Variants in AMPH observed in about 807,000 individuals in gnomAD.
The protein encoded by AMPH is amphiphysin.
A neutral mutation model predicts 99.1 loss-of-function variants in AMPH; 49 were observed. That is an observed-to-expected ratio of 0.49 (90% confidence interval 0.39 to 0.63). AMPH has a LOEUF of 0.63. Ranked by LOEUF, AMPH falls within the 20% of genes least tolerant of loss-of-function variation. The probability of loss-of-function intolerance (pLI) is 0.00; values close to 1 mark genes in which losing one functional copy is unlikely to be tolerated. For missense variants in AMPH, 759 were observed against 863.4 expected (o/e 0.88, Z 1.52); for synonymous variants, 314 against 317.3 (o/e 0.99, Z 0.11).
intron 5 of AMPH, among the ~76,000 whole-genome samples, chr7:38,478,092 C>A: frequency 6.6e-6 from 1 of 150,618 alleles, no homozygotes. Flanking sequence ...ACAAACAAAA[C>A]AACAACAACA....
rs553947627 is a variant in AMPH, at chr7:38,610,242, A to AG, written c.69+21040_69+21041insC. Among the ~76,000 whole-genome samples the AG allele has an allele frequency of 8.0e-3, 126 of 15,690 alleles. 14 individuals carry two copies. The highest frequency in any genetic ancestry group is 0.013 in the Non-Finnish European group (93 of 7,272). 10.3% of individuals were successfully genotyped at this position (15,690 alleles called of 152,430 possible). A position where few individuals can be genotyped will look rare whatever the true frequency, so the allele number is the denominator to read the frequency against. On this transcript the variant is annotated intron_variant, in intron 1 of 20. Coordinates refer to ENST00000356264, the MANE Select transcript of AMPH (RefSeq NM_001635.4). ...CAAAAGCTAAGCTCTCTCAAAAAAA[A>AG]AAAAAAAAAAAAAAAAAAAAAGAAA...
At chr7:38,509,284 A>G (rs994069012) in intron 2 of AMPH, among the ~76,000 whole-genome samples, 2 of 152,212 alleles carry the variant, frequency 1.3e-5, no homozygotes, top group Non-Finnish European at 2.9e-5. Context: ...CATGGAAGGA[A>G]GAGAAATGTC....
chr7:38,556,097 T>C (rs1270652313), intron 1 of AMPH, among the ~76,000 whole-genome samples: 2 of 151,464 alleles, frequency 1.3e-5, no homozygotes, highest in African/African-American at 4.9e-5. Context: ...CCCCTGAGTC[T>C]AAAATAAAAC....
At chr7:38,393,933 G>A in intron 18 of AMPH, 72 bp downstream of exon 18, 1 of 1,478,208 alleles carries the variant, frequency 6.8e-7, no homozygotes. Context: ...TTATCACCAT[G>A]AACCAACCAA....
At chr7:38,615,466 C>T (rs763442021) in intron 1 of AMPH, among the ~76,000 whole-genome samples, 7 of 152,142 alleles carry the variant, frequency 4.6e-5, no homozygotes, top group Non-Finnish European at 1.0e-4. Flanking sequence ...GTGGAATGAA[C>T]GTGCCCCCTT....
intron 1 of AMPH, among the ~76,000 whole-genome samples, chr7:38,546,988 G>C (rs1346403103): frequency 6.6e-6 from 1 of 152,130 alleles, no homozygotes; most frequent in Non-Finnish European, 1.5e-5. Flanking sequence ...GTAAGCATCA[G>C]CAAGAGATGC....
At chr7:38,385,992 CA>C (rs1475147644) in intron 20 of AMPH, among the ~76,000 whole-genome samples, 1 of 152,122 alleles carries the variant, frequency 6.6e-6, no homozygotes. Context: ...TCAAGTATAT[CA>C]GATAAAATGA....
intron 13 of AMPH, 36 bp from the exon 14 acceptor site, chr7:38,429,901 G>A (rs1274941408): frequency 6.3e-7 from 1 of 1,587,206 alleles, no homozygotes; most frequent in Non-Finnish European, 8.6e-7. Context: ...AATAAGGCGA[G>A]AGAGAAAATT....
chr7:38,469,799 C>A (rs1430834724), intron 7 of AMPH, among the ~76,000 whole-genome samples: 1 of 152,114 alleles, frequency 6.6e-6, no homozygotes, highest in Non-Finnish European at 1.5e-5. Flanking sequence ...AAACATGAGC[C>A]CTCTAACTAG....
chr7:38,435,859 T>C (rs1057045881), intron 12 of AMPH, among the ~76,000 whole-genome samples: 9 of 152,142 alleles, frequency 5.9e-5, no homozygotes, highest in African/African-American at 1.7e-4. Context: ...TTCATGGTCA[T>C]TGCAAACACA....
chr7:38,477,765 C>A (rs1426586859), intron 5 of AMPH, among the ~76,000 whole-genome samples: 1 of 151,876 alleles, frequency 6.6e-6, no homozygotes, highest in South Asian at 2.1e-4. Flanking sequence ...ACCCTTCTAC[C>A]CACAGGTGCA....
chr7:38,630,910 G>C (rs1442391808), intron 1 of AMPH, among the ~76,000 whole-genome samples: 1 of 152,224 alleles, frequency 6.6e-6, no homozygotes, highest in Non-Finnish European at 1.5e-5. Flanking sequence ...GGGGAGATGC[G>C]AGCGCAGGGA....
chr7:38,610,149 T>C (rs1427236068), intron 1 of AMPH, among the ~76,000 whole-genome samples: 2 of 148,078 alleles, frequency 1.4e-5, no homozygotes, highest in Non-Finnish European at 3.0e-5. Context: ...GGCAGGAGAA[T>C]TGCTTGAACC....
chr7:38,525,445 CGTGTGTGTGT>C (rs146505083), intron 2 of AMPH, among the ~76,000 whole-genome samples: 27 of 125,420 alleles, frequency 2.2e-4, no homozygotes, highest in African/African-American at 4.9e-4. Flanking sequence ...CTCATTTGTG[CGTGTGTGTGT>C]GTGTGTGTGT....
chr7:38,575,525 G>C (rs1291678570), intron 1 of AMPH, among the ~76,000 whole-genome samples: 1 of 152,124 alleles, frequency 6.6e-6, no homozygotes, highest in Non-Finnish European at 1.5e-5. Flanking sequence ...ATGATAGTTA[G>C]TGAGTTCTCA....
intron 5 of AMPH, among the ~76,000 whole-genome samples, chr7:38,479,785 T>C (rs1052987990): frequency 1.2e-4 from 18 of 152,060 alleles, no homozygotes; most frequent in Non-Finnish European, 2.5e-4. Context: ...CCCATAAATA[T>C]GAACAATTAT....
Position 38,416,107 on chromosome 7 carries a change from A to ATATATATATATATATATATATATAT in AMPH, c.1398+1717_1398+1718insATATATATATATATATATATATATA, listed in dbSNP as rs1302811606. ...AAACAATGATCAAACATATGAATAT[A>ATATATATATATATATATATATATAT]TATATATATATATATATATTAGCTA... is the stretch of plus-strand genomic sequence containing the variant. On this transcript the variant is annotated intron_variant, in intron 17 of 20. Transcript: ENST00000356264. Among the ~76,000 whole-genome samples the ATATATATATATATATATATATATAT allele has an allele frequency of 2.9e-3, 365 of 126,780 alleles. 10 individuals are homozygous for ATATATATATATATATATATATATAT. Among genetic ancestry groups the ATATATATATATATATATATATATAT allele is most frequent in the Non-Finnish European group, 3.8e-3 (232 of 61,834 alleles). The allele number at this position is 126,780 out of a possible 152,430, so 83.2% of individuals were successfully genotyped here.
chr7:38,391,834 G>GC lies in AMPH; in HGVS notation c.1791dup (p.Pro598AlafsTer10), dbSNP rs746581342. 6.2e-7 allele frequency: 1 copy of GC among 1,613,726 alleles called. No individual in the cohort carries two copies. The highest frequency in any genetic ancestry group is 8.5e-7 in the Non-Finnish European group (1 of 1,179,942). On this transcript the variant is annotated frameshift_variant, in exon 19 of 21. Coordinates refer to ENST00000356264, the MANE Select transcript of AMPH (RefSeq NM_001635.4). LOFTEE classifies it high-confidence loss of function. ...GCAGCCCCCATGGCTGGTGCAGAAG[G>GC]CGTGGGCTGAGGGTCCTGGATAGGC...
At chr7:38,526,330 C>G (rs1281328588) in intron 2 of AMPH, among the ~76,000 whole-genome samples, 1 of 150,264 alleles carries the variant, frequency 6.7e-6, no homozygotes, top group East Asian at 1.9e-4. Flanking sequence ...ACTGCAGTGG[C>G]ATCATCTCAG....
Sources: allele counts gnomAD v4.1 joint callset (sites outside exome capture counted in the v4.1 genomes callset), GRCh38; gene constraint gnomAD v4.1.1; transcripts MANE v1.5; gene names NCBI Gene and HGNC (gene_info 2026-07-23, HGNC 2026-07-21).